TEKT5: variants seen among roughly 807,000 people sequenced by gnomAD.
The protein encoded by TEKT5 is tektin-5.
A neutral mutation model predicts 48.7 loss-of-function variants in TEKT5; 52 were observed. That is an observed-to-expected ratio of 1.07 (90% CI 0.86 to 1.35). The LOEUF is 1.35. Ranked by LOEUF, TEKT5 falls within the 40% of genes most tolerant of loss-of-function variation. The pLI is 0.00. For missense variants in TEKT5, 831 were observed against 641.6 expected (o/e 1.30, Z -3.19); for synonymous variants, 318 against 267.6 (o/e 1.19, Z -1.84).
chr16:10,658,725 T>C (rs1217056789), intron 5 of TEKT5, among the ~76,000 whole-genome samples: 15 of 129,910 alleles, frequency 1.2e-4, no homozygotes, highest in African/African-American at 5.2e-4. Flanking sequence ...TTTCTTTTTC[T>C]TTTTTTTTTT....
intron 2 of TEKT5, among the ~76,000 whole-genome samples, chr16:10,689,588 C>T (rs1377078863): frequency 6.7e-6 from 1 of 148,794 alleles, no homozygotes; most frequent in African/African-American, 2.5e-5. Context: ...GAAAATTTAG[C>T]ACCTACCATG....
chr16:10,691,376 C>G (rs1242751005), intron 1 of TEKT5: 2 of 152,356 alleles, frequency 1.3e-5, no homozygotes, highest in Non-Finnish European at 2.9e-5. Flanking sequence ...TGTGAAGGGC[C>G]AAGAGGAAAA....
At chr16:10,643,929 C>A (rs573733557) in intron 5 of TEKT5, among the ~76,000 whole-genome samples, 7 of 152,222 alleles carry the variant, frequency 4.6e-5, no homozygotes, top group African/African-American at 1.7e-4. Context: ...GTAATCCCAA[C>A]TACGCGGGAG....
intron 3 of TEKT5, among the ~76,000 whole-genome samples, 194 bp from the exon 4 acceptor site, chr16:10,682,330 C>T (rs1225504336): frequency 1.3e-5 from 2 of 149,000 alleles, no homozygotes; most frequent in African/African-American, 4.9e-5. Flanking sequence ...GTCCTTTATT[C>T]TTTTTTTTTT....
intron 5 of TEKT5, among the ~76,000 whole-genome samples, chr16:10,647,018 A>T (rs760500731): frequency 7.2e-5 from 11 of 152,226 alleles, no homozygotes; most frequent in Non-Finnish European, 1.3e-4. Flanking sequence ...AGCGCAGAAG[A>T]AAATAAAGCC....
intron 5 of TEKT5, among the ~76,000 whole-genome samples, chr16:10,656,691 A>G (rs2541522): frequency 0.42 from 64,291 of 152,134 alleles, 16,612 homozygotes; most frequent in African/African-American, 0.74. Flanking sequence ...ACAAACATTT[A>G]GGTTATACTG....
At chr16:10,657,469 G>A (rs1239180277) in intron 5 of TEKT5, among the ~76,000 whole-genome samples, 3 of 152,114 alleles carry the variant, frequency 2.0e-5, no homozygotes, top group South Asian at 4.1e-4. Flanking sequence ...TAGGAATCAA[G>A]AGGATAAGAC....
In TEKT5 at chr16:10,694,452, A is replaced by G. The variant is rs770419905; in HGVS notation, c.422T>C (p.Leu141Pro). 64 of 1,614,034 alleles carry G rather than the reference A, an allele frequency of 4.0e-5. No individual in the cohort carries two copies. The highest frequency in any genetic ancestry group is 5.2e-5 in the Non-Finnish European group (61 of 1,180,038). Residue 141 changes from leucine to proline, a missense_variant, in exon 1 of 7, where the codon CTG (leucine) becomes CCG (proline). Coordinates refer to ENST00000283025, the MANE Select transcript of TEKT5 (RefSeq NM_144674.2). ...GCCAATGTCCGACAGCCTCTGGCCC[A>G]GGTTCCGGCAGGTGCCCTCCTGCAT... ...HQMQEGTCRN[L>P]GQRLSDIGFW...
At chr16:10,650,251 C>T (rs28520539) in intron 5 of TEKT5, among the ~76,000 whole-genome samples, 1 of 151,358 alleles carries the variant, frequency 6.6e-6, no homozygotes, top group East Asian at 2.0e-4. Context: ...CAGGTGTGTG[C>T]GACAAGGCCC....
In TEKT5 at chr16:10,694,724, C is replaced by A. The variant is rs1267727215; in HGVS notation, c.150G>T (p.Trp50Cys). 1 of 1,613,948 alleles carries A rather than the reference C, an allele frequency of 6.2e-7. No individual in the cohort carries two copies. Among genetic ancestry groups the A allele is most frequent in the Non-Finnish European group, 8.5e-7 (1 of 1,179,948 alleles). Residue 50 changes from tryptophan (W) to cysteine (C), a missense_variant, in exon 1 of 7, where the codon TGG becomes TGT. Physicochemically the swap from Trp to Cys is radical, Grantham distance 215 (BLOSUM62 -2). Coordinates refer to ENST00000283025, the MANE Select transcript of TEKT5 (RefSeq NM_144674.2). The part of the protein sequence containing the change: ...YLPGYRYLNS[W>C]RPSLFYKIAN... ...CTATCTTGTAGAAGAGGCTAGGCCT[C>A]CATGAATTGAGGTAGCGGTACCCGG...
chr16:10,675,903 G>T, intron 5 of TEKT5, 56 bp downstream of exon 5: 2 of 1,565,176 alleles, frequency 1.3e-6, no homozygotes, highest in South Asian at 2.2e-5. Flanking sequence ...TCAGATTCAC[G>T]GGAGAAGGGT....
intron 5 of TEKT5, among the ~76,000 whole-genome samples, chr16:10,646,051 G>C (rs934686565): frequency 1.3e-5 from 2 of 151,684 alleles, no homozygotes; most frequent in African/African-American, 4.8e-5. Context: ...GATTGCTTGA[G>C]CCCAGAAGGT....
In TEKT5 at chr16:10,694,382, A is replaced by C; in HGVS notation, c.492T>G (p.Thr164=). The C allele has an allele frequency of 1.2e-6, 2 of 1,613,900 alleles. No individual in the cohort carries two copies. The highest frequency in any genetic ancestry group is 1.7e-6 in the Non-Finnish European group (2 of 1,179,950). Residue 164 remains threonine, a synonymous_variant, in exon 1 of 7, where the codon ACT becomes ACG. Coordinates refer to ENST00000283025, the MANE Select transcript of TEKT5 (RefSeq NM_144674.2). The part of the protein sequence containing the change: ...ELSYELDRLL[T]ENQNLETVKR... ...TGACCGTCTCCAAGTTCTGGTTCTCAGTCAGAAGCCTGTCCAGCTCATAGC... is the reference window on the plus strand; with the variant it reads ...TGACCGTCTCCAAGTTCTGGTTCTCCGTCAGAAGCCTGTCCAGCTCATAGC...
chr16:10,680,665 A>T (rs1284677278), intron 4 of TEKT5, among the ~76,000 whole-genome samples: 1 of 151,838 alleles, frequency 6.6e-6, no homozygotes, highest in East Asian at 1.9e-4. Context: ...TACACCATGG[A>T]ATACTATGCA....
intron 1 of TEKT5, 200 bp from the exon 2 acceptor site, chr16:10,690,225 C>G (rs186549598): frequency 1.7e-6 from 1 of 580,592 alleles, no homozygotes; most frequent in African/African-American, 1.9e-5. Flanking sequence ...GTCATATGAC[C>G]AAGGCATCCG....
rs373265266 is a variant in TEKT5, at chr16:10,675,970, G to A, written c.1075C>T (p.Gln359Ter). 3 of 1,614,180 alleles carry A rather than the reference G, an allele frequency of 1.9e-6. No individual in the cohort carries two copies. Among genetic ancestry groups the A allele is most frequent in the African/African-American group, 2.7e-5 (2 of 75,058 alleles). ...VTDVKNKLQT[Q>*]LAKTLQEIFQ... ...GAGGATCTGCTCACCTTCGCCAGCTGCGTCTGCAGCTTATTCTTCACATCC... is the reference window on the plus strand; with the variant it reads ...GAGGATCTGCTCACCTTCGCCAGCTACGTCTGCAGCTTATTCTTCACATCC... The change falls in exon 5 of 7, where the codon CAG becomes TAG. Residue 359 changes from glutamine to a stop codon, truncating the protein, a stop_gained. Coordinates refer to ENST00000283025, the MANE Select transcript of TEKT5 (RefSeq NM_144674.2). LOFTEE classifies it high-confidence loss of function.
At chr16:10,652,983 AC>A (rs1416528941) in intron 5 of TEKT5, among the ~76,000 whole-genome samples, 2 of 152,204 alleles carry the variant, frequency 1.3e-5, no homozygotes, top group African/African-American at 4.8e-5. Flanking sequence ...AGAGACGCAC[AC>A]ATGCACAGAG....
At chr16:10,687,756 C>T (rs1898890099) in intron 3 of TEKT5, among the ~76,000 whole-genome samples, 1 of 152,172 alleles carries the variant, frequency 6.6e-6, no homozygotes, top group South Asian at 2.1e-4. Flanking sequence ...TCGTCTCAAA[C>T]AAATAAATAA....
intron 4 of TEKT5, among the ~76,000 whole-genome samples, chr16:10,678,936 G>C (rs1003448837): frequency 1.3e-5 from 2 of 152,228 alleles, no homozygotes; most frequent in African/African-American, 4.8e-5. Flanking sequence ...GGAGAGGACA[G>C]CTGGCTTTGC....
Sources: gnomAD v4.1 joint callset for allele counts (sites outside exome capture counted in the v4.1 genomes callset) on GRCh38, gnomAD v4.1.1 for gene constraint, MANE v1.5 for transcripts, NCBI Gene and HGNC (gene_info 2026-07-23, HGNC 2026-07-21) for gene names.